Variants in MYZAP observed in about 807,000 individuals in gnomAD.
MYZAP encodes GRINL1A complex locus upstream.
A neutral mutation model predicts 69.4 loss-of-function variants in MYZAP; 66 were observed. The observed-to-expected ratio is 0.95, with a 90% CI of 0.78 to 1.17. The LOEUF is 1.17. MYZAP is among the 50% of genes most tolerant of loss of function. The pLI is 0.00. For missense variants in MYZAP, 611 were observed against 556.2 expected (o/e 1.10, Z -0.99); for synonymous variants, 256 against 205.9 (o/e 1.24, Z -2.09).
At position 57,654,043 on chromosome 15, in the gene MYZAP, AGAG is replaced by A. The variant is rs2037872388; in HGVS notation, c.1120-7405_1120-7403del. Among the ~76,000 whole-genome samples the A allele has an allele frequency of 6.8e-3, 7 of 1,024 alleles. No homozygotes were observed. In the Admixed American group the frequency reaches 0.14, roughly 20 times the overall value. The allele number at this position is 1,024 out of a possible 152,430, so 0.7% of individuals were successfully genotyped here. ...AAAAAAAAAAAAAAAGTCCCTATTT[AGAG>A]GTTAGAGGTTAGTTGGTGTTTTCTG... On this transcript the variant is annotated intron_variant, in intron 10 of 12. Coordinates refer to ENST00000267853, the MANE Select transcript of MYZAP (RefSeq NM_001018100.5).
intron 11 of MYZAP, among the ~76,000 whole-genome samples, 197 bp from the exon 12 acceptor site, chr15:57,674,771 A>G (rs1445042086): frequency 6.6e-6 from 1 of 152,246 alleles, no homozygotes; most frequent in Non-Finnish European, 1.5e-5. Context: ...ATGTCTGTAC[A>G]TGCATAGCAA....
intron 12 of MYZAP, among the ~76,000 whole-genome samples, chr15:57,684,039 C>T (rs949860224): frequency 6.6e-6 from 1 of 152,100 alleles, no homozygotes; most frequent in African/African-American, 2.4e-5. Flanking sequence ...GGTGATCCCC[C>T]TGCCTCGGCC....
At chr15:57,649,383 G>C (rs1227908095) in intron 10 of MYZAP, among the ~76,000 whole-genome samples, 1 of 152,204 alleles carries the variant, frequency 6.6e-6, no homozygotes, top group South Asian at 2.1e-4. Flanking sequence ...CTATAATTTT[G>C]GCCAGTTAGG....
intron 3 of MYZAP, among the ~76,000 whole-genome samples, chr15:57,619,041 C>G (rs555499141): frequency 6.6e-6 from 1 of 152,294 alleles, no homozygotes; most frequent in Admixed American, 6.5e-5. Context: ...CACTTTTGCT[C>G]TGTGCAGGCT....
intron 8 of MYZAP, among the ~76,000 whole-genome samples, chr15:57,637,306 G>A (rs915320554): frequency 1.3e-5 from 2 of 152,312 alleles, no homozygotes; most frequent in South Asian, 4.1e-4. Flanking sequence ...TTAGAATATA[G>A]GATATTGCCA....
At chr15:57,615,102 G>A (rs2641573) in intron 2 of MYZAP, among the ~76,000 whole-genome samples, 8,720 of 152,096 alleles carry the variant, frequency 0.057, 630 homozygotes, top group African/African-American at 0.17. Flanking sequence ...TCCTGGGGGC[G>A]TTTTATTTAG....
At chr15:57,596,963 C>T in intron 1 of MYZAP, among the ~76,000 whole-genome samples, 1 of 152,154 alleles carries the variant, frequency 6.6e-6, no homozygotes, top group African/African-American at 2.4e-5. Flanking sequence ...TAGGAACCAC[C>T]CCTCCCCAGG....
intron 10 of MYZAP, chr15:57,646,631 C>T: frequency 7.0e-6 from 7 of 995,162 alleles, no homozygotes; most frequent in Non-Finnish European, 8.4e-6. Context: ...AGGAGGTGCT[C>T]CCACCAGATC....
chr15:57,617,937 C>T (rs1292040864), intron 2 of MYZAP, 96 bp from the exon 3 acceptor site: 10 of 1,459,274 alleles, frequency 6.9e-6, no homozygotes, highest in Non-Finnish European at 9.1e-6. Context: ...GTGCTGGGCA[C>T]AATTTGCATA....
intron 3 of MYZAP, among the ~76,000 whole-genome samples, chr15:57,620,214 G>A (rs1254790308): frequency 1.3e-5 from 2 of 152,186 alleles, no homozygotes; most frequent in African/African-American, 4.8e-5. Flanking sequence ...TTCATGTGGG[G>A]AAGTCTGGGG....
At chr15:57,610,827 A>G (rs2035060373) in intron 2 of MYZAP, among the ~76,000 whole-genome samples, 1 of 151,982 alleles carries the variant, frequency 6.6e-6, no homozygotes, top group Non-Finnish European at 1.5e-5. Flanking sequence ...GTGTCTGAAA[A>G]CCCACTGGAC....
chr15:57,661,250 C>T (rs1172133486), intron 10 of MYZAP, among the ~76,000 whole-genome samples, 200 bp from the exon 11 acceptor site: 7 of 152,218 alleles, frequency 4.6e-5, no homozygotes, highest in African/African-American at 1.4e-4. Context: ...GAGCGTCTCG[C>T]GTTAATACTG....
chr15:57,618,114 A>T lies in MYZAP; in HGVS notation c.244A>T (p.Asn82Tyr), dbSNP rs758057825. Residue 82 changes from asparagine (N) to tyrosine (Y), a missense_variant, in exon 3 of 13, where the codon AAT becomes TAT. Transcript: ENST00000267853. ...VYGVVRRSDQNQQKEMVVYGW... is the reference protein window; with the variant it reads ...VYGVVRRSDQYQQKEMVVYGW... ...TGGTGTGGTGCGAAGATCAGATCAAAATCAGCAGAAAGAAATGGTGGTGTA... is the reference window on the plus strand; with the variant it reads ...TGGTGTGGTGCGAAGATCAGATCAATATCAGCAGAAAGAAATGGTGGTGTA... The T allele has an allele frequency of 2.2e-5, 36 of 1,614,112 alleles. 1 individual carries two copies. The South Asian group carries it at 4.0e-4, about 18-fold the overall frequency.
chr15:57,640,452 G>C (rs2140468596), intron 10 of MYZAP, among the ~76,000 whole-genome samples: 1 of 152,198 alleles, frequency 6.6e-6, no homozygotes, highest in South Asian at 2.1e-4. Context: ...TCAAACATTT[G>C]GTTGGCAGTG....
chr15:57,601,272 A>G (rs558812101), intron 1 of MYZAP, among the ~76,000 whole-genome samples: 174 of 91,932 alleles, frequency 1.9e-3, no homozygotes, highest in Non-Finnish European at 1.5e-3. Context: ...GTGTGTGCAC[A>G]CTTGTGTGTG....
intron 10 of MYZAP, among the ~76,000 whole-genome samples, chr15:57,659,669 T>C (rs2038182554): frequency 6.6e-6 from 1 of 152,244 alleles, no homozygotes; most frequent in Non-Finnish European, 1.5e-5. Flanking sequence ...TACTGTATTC[T>C]AATAACACTT....
intron 1 of MYZAP, 102 bp from the exon 2 acceptor site, chr15:57,604,167 A>G: frequency 8.3e-7 from 1 of 1,204,472 alleles, no homozygotes; most frequent in Non-Finnish European, 1.2e-6. Flanking sequence ...AGTGTTCCCC[A>G]ATGGAAGTAG....
At chr15:57,676,113 G>T (rs528496921) in intron 12 of MYZAP, among the ~76,000 whole-genome samples, 24 of 152,046 alleles carry the variant, frequency 1.6e-4, no homozygotes, top group Non-Finnish European at 2.9e-4. Flanking sequence ...CTTCACTGGG[G>T]CCTCGGTTTC....
intron 5 of MYZAP, among the ~76,000 whole-genome samples, chr15:57,629,317 A>G (rs1324359223): frequency 6.6e-6 from 1 of 152,088 alleles, no homozygotes; most frequent in East Asian, 1.9e-4. Context: ...GCTTATACAT[A>G]TTTTTCAAAA....
Sources: gnomAD v4.1 joint callset for allele counts (sites outside exome capture counted in the v4.1 genomes callset) on GRCh38, gnomAD v4.1.1 for gene constraint, MANE v1.5 for transcripts, NCBI Gene and HGNC (gene_info 2026-07-23, HGNC 2026-07-21) for gene names.